The following EDA variants were observed in gnomAD, a reference collection of about 807,000 sequenced individuals.
EDA encodes the protein ectodysplasin-A.
In EDA, 2 loss-of-function variants were observed where a neutral mutation model predicts 23.6. The observed-to-expected ratio is 0.08, with a 90% CI of 0.03 to 0.27. The LOEUF (loss-of-function observed/expected upper bound fraction) is 0.27, where lower values mean the gene tolerates loss of function less well. Among genes scored for constraint, EDA ranks in the 10% least tolerant of loss-of-function variants. The pLI is 1.00. For missense variants in EDA, 229 were observed against 324.2 expected (o/e 0.71, Z 2.26); for synonymous variants, 131 against 132.0 (o/e 0.99, Z 0.05).
intron 1 of EDA, chrX:69,729,266 A>C (rs1322369189): frequency 9.0e-6 from 1 of 111,605 alleles, no homozygotes; most frequent in Non-Finnish European, 1.9e-5. Flanking sequence ...CTGTGGCTGT[A>C]GATGAACTTT....
chrX:69,851,157 T>TTGTGTGTGTG lies in EDA; in HGVS notation c.397-105853_397-105844dup, dbSNP rs57593985. Among the ~76,000 whole-genome samples, 868 of 101,857 alleles carry TTGTGTGTGTG rather than the reference T, an allele frequency of 8.5e-3. 5 individuals carry two copies. Among genetic ancestry groups the TTGTGTGTGTG allele is most frequent in the Non-Finnish European group, 0.011 (531 of 50,208 alleles). The allele number at this position is 101,857 out of a possible 115,157, so 88.5% of individuals were successfully genotyped here. The stretch of plus-strand genomic sequence containing the variant: ...ACGTCACAAAATCTAGATCAAGGGT[T>TTGTGTGTGTG]TGTGTGTGTGTGTGTGTGTGTGTGT... On this transcript the variant is annotated intron_variant, in intron 1 of 7. Coordinates refer to ENST00000374552, the MANE Select transcript of EDA (RefSeq NM_001399.5).
At chrX:69,617,537 G>A (rs1412059006) in intron 1 of EDA, among the ~76,000 whole-genome samples, 1 of 110,355 alleles carries the variant, frequency 9.1e-6, no homozygotes, top group Non-Finnish European at 1.9e-5. Context: ...CAATCTTTAT[G>A]GTGTTTGTGC....
At chrX:69,696,590 G>A (rs1199347482) in intron 1 of EDA, among the ~76,000 whole-genome samples, 2 of 111,252 alleles carry the variant, frequency 1.8e-5, no homozygotes, top group Admixed American at 9.5e-5. Context: ...CTTTACTCAC[G>A]TACAACGGTT....
intron 1 of EDA, among the ~76,000 whole-genome samples, chrX:69,789,708 C>T (rs1288421374): frequency 1.8e-5 from 2 of 111,704 alleles, no homozygotes; most frequent in Non-Finnish European, 3.8e-5. Context: ...CTATATTCCT[C>T]CTTGTCTCTT....
At chrX:69,662,081 A>G (rs1307341954) in intron 1 of EDA, among the ~76,000 whole-genome samples, 1 of 111,329 alleles carries the variant, frequency 9.0e-6, no homozygotes, top group Non-Finnish European at 1.9e-5. Flanking sequence ...TTTATCCTAT[A>G]TATCTGCTAT....
At chrX:69,958,023 C>G (rs993281172) in intron 2 of EDA, among the ~76,000 whole-genome samples, 1 of 112,010 alleles carries the variant, frequency 8.9e-6, no homozygotes, top group African/African-American at 3.2e-5. Context: ...TTGACTGCCC[C>G]TTCAGCTAGG....
chrX:69,851,165 G>GTC (rs2017119360), intron 1 of EDA, among the ~76,000 whole-genome samples: 1 of 108,328 alleles, frequency 9.2e-6, no homozygotes, highest in East Asian at 2.9e-4. Context: ...GTTTGTGTGT[G>GTC]TGTGTGTGTG....
intron 1 of EDA, among the ~76,000 whole-genome samples, chrX:69,798,393 C>G (rs1240728829): frequency 9.0e-6 from 1 of 111,457 alleles, no homozygotes; most frequent in East Asian, 2.8e-4. Context: ...GGAACATTCT[C>G]CAGGATAGAC....
intron 1 of EDA, among the ~76,000 whole-genome samples, chrX:69,671,849 T>G (rs1263058991): frequency 8.9e-6 from 1 of 112,331 alleles, no homozygotes; most frequent in Non-Finnish European, 1.9e-5. Flanking sequence ...TTTGGCCATC[T>G]TGCTAATGTC....
At chrX:69,694,943 C>T (rs1421494820) in intron 1 of EDA, among the ~76,000 whole-genome samples, 1 of 111,975 alleles carries the variant, frequency 8.9e-6, no homozygotes, top group South Asian at 3.7e-4. Context: ...GTTCCAAGGG[C>T]CTATCTGGAA....
Position 69,999,747 on chromosome X carries a change from C to T in EDA, c.503-23471C>T, listed in dbSNP as rs146408392. Among the ~76,000 whole-genome samples the T allele has an allele frequency of 6.3e-3, 696 of 111,355 alleles. 9 individuals are homozygous for T. In the South Asian group the frequency reaches 0.096, roughly 15 times the overall value. On this transcript the variant is annotated intron_variant, in intron 2 of 7. Coordinates refer to ENST00000374552, the MANE Select transcript of EDA (RefSeq NM_001399.5). ...CAAAGCATAGAAAGAGAAATAATTC[C>T]TCTCAGTTCATGTTATAAAATTGGT...
rs1406166664 is a variant in EDA at position 69,617,001 on chromosome X, G to A, written c.396+297G>A. Reference sequence around the variant, plus strand: ...CGACGCTCCCGTCGAGGAGGTGCCTGCGCTGCCCCCCGGCCGACTAACGGC... The same window carrying A: ...CGACGCTCCCGTCGAGGAGGTGCCTACGCTGCCCCCCGGCCGACTAACGGC... On this transcript the variant is annotated intron_variant, in intron 1 of 7. Transcript: ENST00000374552. 1.9e-5 allele frequency: 8 copies of A among 417,721 alleles called. No individual in the cohort carries two copies. In the African/African-American group the frequency reaches 2.0e-4, roughly 11 times the overall value. 34.4% of individuals were successfully genotyped at this position (417,721 alleles called of 1,213,427 possible). A position where few individuals can be genotyped will look rare whatever the true frequency, so the allele number is the denominator to read the frequency against.
intron 1 of EDA, among the ~76,000 whole-genome samples, chrX:69,699,869 C>T (rs1000051108): frequency 9.1e-6 from 1 of 110,021 alleles, no homozygotes; most frequent in Non-Finnish European, 1.9e-5. Context: ...ATGGAGAGGG[C>T]CTTTAGCAGC....
intron 1 of EDA, among the ~76,000 whole-genome samples, chrX:69,808,231 A>C (rs959554142): frequency 9.0e-6 from 1 of 110,872 alleles, no homozygotes; most frequent in African/African-American, 3.3e-5. Context: ...GTATATTATA[A>C]ATTTATTGTA....
intron 1 of EDA, among the ~76,000 whole-genome samples, chrX:69,923,625 A>G (rs2018469276): frequency 8.9e-6 from 1 of 112,028 alleles, no homozygotes; most frequent in African/African-American, 3.2e-5. Flanking sequence ...TTAAATCAGT[A>G]GAATGATTTA....
At chrX:69,677,810 C>G (rs1441468654) in intron 1 of EDA, among the ~76,000 whole-genome samples, 1 of 110,590 alleles carries the variant, frequency 9.0e-6, no homozygotes, top group Admixed American at 9.6e-5. Context: ...TTTTGCTGTG[C>G]AGCTCTTTAG....
In EDA at chrX:69,704,141, A is replaced by G. The variant is rs192589317; in HGVS notation, c.396+87437A>G. ...AACGTGTGCTACAGCTTGGTTTTAC[A>G]CATGTTAGGGAGACAAGACATCAAT... On this transcript the variant is annotated intron_variant, in intron 1 of 7. Transcript: ENST00000374552. 2.4e-4 allele frequency among the ~76,000 whole-genome samples: 27 copies of G among 111,949 alleles called. No individual in the cohort carries two copies. The East Asian group carries it at 7.1e-3, about 29-fold the overall frequency.
chrX:69,736,302 T>A (rs183635677), intron 1 of EDA, among the ~76,000 whole-genome samples: 2 of 110,580 alleles, frequency 1.8e-5, no homozygotes, highest in Non-Finnish European at 1.9e-5. Flanking sequence ...CGAAACTCCG[T>A]CTCAAAAAAA....
chrX:69,691,956 T>C, intron 1 of EDA, among the ~76,000 whole-genome samples: 1 of 112,135 alleles, frequency 8.9e-6, no homozygotes, highest in African/African-American at 3.2e-5. Flanking sequence ...TCTTTTGTCC[T>C]AACTTCCTCC....
Sources: allele counts gnomAD v4.1 joint callset (sites outside exome capture counted in the v4.1 genomes callset), GRCh38; gene constraint gnomAD v4.1.1; transcripts MANE v1.5; gene names NCBI Gene and HGNC (gene_info 2026-07-23, HGNC 2026-07-21).